The following ABCB1 variants were observed in gnomAD, a reference collection of about 807,000 sequenced individuals.
ABCB1 encodes ATP-dependent translocase ABCB1.
Under a neutral mutation model 142.0 loss-of-function variants are expected in ABCB1, and 69 were observed. The observed-to-expected ratio is 0.49, with a 90% CI of 0.40 to 0.59. The LOEUF (loss-of-function observed/expected upper bound fraction) is 0.59, where lower values mean the gene tolerates loss of function less well. Ranked by LOEUF, ABCB1 falls within the 20% of genes least tolerant of loss-of-function variation. The pLI is 0.00. For missense variants in ABCB1, 1,326 were observed against 1,554.7 expected, an observed-to-expected ratio of 0.85 and a Z score of 2.47; for synonymous variants, 532 against 539.2, an observed-to-expected ratio of 0.99 and a Z score of 0.18.
At chr7:87,682,857 C>A (rs1351847569) in intron 1 of ABCB1, among the ~76,000 whole-genome samples, 1 of 152,176 alleles carries the variant, frequency 6.6e-6, no homozygotes, top group Non-Finnish European at 1.5e-5. Context: ...TCCTTTGAAG[C>A]GTTAAAGCCA....
chr7:87,529,143 G>T (rs141936665), intron 21 of ABCB1, among the ~76,000 whole-genome samples: 1 of 152,314 alleles, frequency 6.6e-6, no homozygotes, highest in East Asian at 1.9e-4. Flanking sequence ...AGTTGGATAA[G>T]AATGGAAGAA....
At chr7:87,645,743 T>G (rs757918817) in intron 1 of ABCB1, among the ~76,000 whole-genome samples, 1 of 152,176 alleles carries the variant, frequency 6.6e-6, no homozygotes, top group Non-Finnish European at 1.5e-5. Context: ...TTAGTTACTG[T>G]GTTATGAAGG....
intron 1 of ABCB1, chr7:87,651,046 T>C (rs1823521226): frequency 3.1e-6 from 2 of 647,558 alleles, no homozygotes; most frequent in South Asian, 1.9e-5. Flanking sequence ...CATTCTATAA[T>C]GTGAAATGTC....
At chr7:87,628,584 C>CGTGCGTGCGTGCGTGTGT (rs1468348829) in intron 1 of ABCB1, 1 of 278,404 alleles carries the variant, frequency 3.6e-6, no homozygotes, top group Admixed American at 5.4e-5. Flanking sequence ...TGCGTGCGTG[C>CGTGCGTGCGTGCGTGTGT]GTGTGTGTGT....
chr7:87,652,619 C>CATA (rs1170596138), intron 1 of ABCB1, among the ~76,000 whole-genome samples: 36 of 105,092 alleles, frequency 3.4e-4, no homozygotes, highest in Non-Finnish European at 4.8e-4. Flanking sequence ...CTTGTGGTCA[C>CATA]TGATATATAT....
intron 2 of ABCB1, among the ~76,000 whole-genome samples, chr7:87,598,866 G>A (rs1320187667): frequency 6.6e-6 from 1 of 152,120 alleles, no homozygotes; most frequent in East Asian, 1.9e-4. Flanking sequence ...AGATACTCCA[G>A]GCTCACTTTC....
intron 3 of ABCB1, among the ~76,000 whole-genome samples, chr7:87,587,808 G>A (rs1160680667): frequency 6.6e-6 from 1 of 150,608 alleles, no homozygotes; most frequent in Non-Finnish European, 1.5e-5. Context: ...CTGGGAGGCG[G>A]AGCTTGCAGT....
intron 21 of ABCB1, among the ~76,000 whole-genome samples, chr7:87,526,327 T>A (rs1048984199): frequency 1.3e-5 from 2 of 152,096 alleles, no homozygotes; most frequent in Non-Finnish European, 2.9e-5. Context: ...GGTGGCTCTC[T>A]ACCATAGCAT....
Position 87,522,159 on chromosome 7 carries a change from T to A in ABCB1, c.2686-1283A>T. On this transcript the variant is annotated intron_variant, in intron 21 of 27. Coordinates refer to ENST00000622132, the MANE Select transcript of ABCB1 (RefSeq NM_001348946.2). ...ATTGTGGCTTTGGTGGCAGCTGTGG[T>A]GGTGGTGGATATAGTGGCAGTGGGG... 8 of 1,451,116 alleles carry A rather than the reference T, an allele frequency of 5.5e-6. No homozygotes were observed. The South Asian group carries it at 9.1e-5, about 17-fold the overall frequency. 89.9% of individuals were successfully genotyped at this position (1,451,116 alleles called of 1,614,324 possible).
At chr7:87,710,546 T>A in intron 1 of ABCB1, 1 of 1,407,116 alleles carries the variant, frequency 7.1e-7, no homozygotes, top group Non-Finnish European at 9.8e-7. Flanking sequence ...TTTTTTATAT[T>A]TGATTCTTTC....
intron 1 of ABCB1, among the ~76,000 whole-genome samples, chr7:87,637,801 CAG>C (rs1305137698): frequency 6.6e-6 from 1 of 151,976 alleles, no homozygotes; most frequent in African/African-American, 2.4e-5. Flanking sequence ...TTAATTCTAA[CAG>C]ATTTTTTGCA....
chr7:87,514,396 G>A lies in ABCB1; in HGVS notation c.3282+835C>T, dbSNP rs146775747. On this transcript the variant is annotated intron_variant, in intron 25 of 27. Transcript: ENST00000622132. ...TTCTTTCCTATCCCCCATCATAGTCGTTTAAACTCACTACTCCCTGCCAGA... is the reference window on the plus strand; with the variant it reads ...TTCTTTCCTATCCCCCATCATAGTCATTTAAACTCACTACTCCCTGCCAGA... 6.6e-5 allele frequency among the ~76,000 whole-genome samples: 10 copies of A among 152,134 alleles called. No individual in the cohort carries two copies. The South Asian group carries it at 1.2e-3, about 19-fold the overall frequency.
chr7:87,538,586 C>T lies in ABCB1; in HGVS notation c.2397+682G>A, dbSNP rs17149738. On this transcript the variant is annotated intron_variant, in intron 19 of 27. Transcript: ENST00000622132. ...GGCAAGTGATTAGTGATTTTTAAAACGGAAAGTTATTAGGTCACATACAAA... is the reference window on the plus strand; with the variant it reads ...GGCAAGTGATTAGTGATTTTTAAAATGGAAAGTTATTAGGTCACATACAAA... Among the ~76,000 whole-genome samples, 1,348 of 152,202 alleles carry T rather than the reference C, an allele frequency of 8.9e-3. 12 individuals are homozygous for T. The highest frequency in any genetic ancestry group is 0.012 in the East Asian group (62 of 5,166).
intron 1 of ABCB1, among the ~76,000 whole-genome samples, chr7:87,652,073 CTATAT>C (rs551604733): frequency 9.9e-4 from 150 of 152,002 alleles, no homozygotes; most frequent in African/African-American, 3.5e-3. Context: ...TTATTAGATA[CTATAT>C]TGTGTGATGA....
rs532094830 is a variant in ABCB1 at position 87,520,874 on chromosome 7, G to A, written c.2688C>T (p.Ile896=). The part of the protein sequence containing the change: ...DKKELEGSGK[I]ATEAIENFRT... The stretch of plus-strand genomic sequence containing the variant: ...GGAAGTTTTCTATTGCTTCAGTAGC[G>A]ATCTGTAACAGACAGCACCGATCAC... The change falls in exon 22 of 28, where the codon ATC becomes ATT. Residue 896 remains isoleucine (I), a splice_region_variant and synonymous_variant. Transcript: ENST00000622132. 21 of 1,613,092 alleles carry A rather than the reference G, an allele frequency of 1.3e-5. No individual in the cohort carries two copies. The highest frequency in any genetic ancestry group is 1.2e-4 in the South Asian group (11 of 91,040).
chr7:87,617,252 A>G (rs894556556), intron 1 of ABCB1, among the ~76,000 whole-genome samples: 4 of 152,190 alleles, frequency 2.6e-5, no homozygotes, highest in African/African-American at 9.6e-5. Context: ...TTCCCTTTAA[A>G]CATTGTCAGT....
At position 87,519,411 on chromosome 7, in the gene ABCB1, T is replaced by C. The variant is rs1253848627; in HGVS notation, c.2842A>G (p.Met948Val). ...CATCCAGCATAGGAAAAATACATCA[T>C]TGCCTGGGTGAAGGAAAATGTAATT... is the stretch of plus-strand genomic sequence containing the variant. ...FGITFSFTQA[M>V]MYFSYAGCFR... The change falls in exon 23 of 28, where the codon ATG becomes GTG. Residue 948 changes from methionine to valine, a missense_variant. Met to Val is a conservative substitution (Grantham distance 21, BLOSUM62 1). Coordinates refer to ENST00000622132, the MANE Select transcript of ABCB1 (RefSeq NM_001348946.2). The C allele has an allele frequency of 3.7e-6, 6 of 1,614,142 alleles. No individual in the cohort carries two copies. Among genetic ancestry groups the C allele is most frequent in the East Asian group, 2.2e-5 (1 of 44,866 alleles).
At chr7:87,531,729 C>G in intron 20 of ABCB1, 2 of 509,096 alleles carry the variant, frequency 3.9e-6, no homozygotes, top group East Asian at 3.5e-5. Flanking sequence ...ATATTCCTAT[C>G]TCTTTGGATC....
At chr7:87,560,401 T>A (rs536537329) in intron 8 of ABCB1, among the ~76,000 whole-genome samples, 1 of 152,290 alleles carries the variant, frequency 6.6e-6, no homozygotes, top group East Asian at 1.9e-4. Context: ...TGAATACTCA[T>A]GTAAGTATAC....
Sources: allele counts gnomAD v4.1 joint callset (sites outside exome capture counted in the v4.1 genomes callset), GRCh38; gene constraint gnomAD v4.1.1; transcripts MANE v1.5; gene names NCBI Gene and HGNC (gene_info 2026-07-23, HGNC 2026-07-21).